Variants in PAK2 observed in about 807,000 individuals in gnomAD.
PAK2 encodes serine/threonine-protein kinase PAK 2.
PAK2 carries 21 observed loss-of-function variants against 65.9 expected under a neutral mutation model. The ratio of observed to expected loss-of-function variants is 0.32; its 90% CI spans 0.23 to 0.46. PAK2 has a LOEUF of 0.46. PAK2 is among the 20% of genes least tolerant of loss of function. PAK2 has a pLI of 1.00. For missense variants in PAK2, 324 were observed against 642.6 expected (o/e 0.50, Z 5.36); for synonymous variants, 204 against 219.7 (o/e 0.93, Z 0.63).
chr3:196,768,769 G>T (rs1018542143), intron 1 of PAK2, among the ~76,000 whole-genome samples: 7 of 151,768 alleles, frequency 4.6e-5, no homozygotes, highest in African/African-American at 1.7e-4. Flanking sequence ...GAGTTCAAGC[G>T]ATTCTCCTGC....
intron 6 of PAK2, among the ~76,000 whole-genome samples, 181 bp downstream of exon 6, chr3:196,806,867 G>A (rs777003045): frequency 1.3e-5 from 2 of 152,124 alleles, no homozygotes; most frequent in Non-Finnish European, 1.5e-5. Flanking sequence ...CTAGTTTTCT[G>A]AAGATTAAAA....
In PAK2 at chr3:196,831,814, A is replaced by G. The variant is rs1712098884; in HGVS notation, c.*3409A>G. ...CCACATCTAGTGAAATGTCAGTGTC[A>G]AAATATTATAGATTATAGCTAAAAT... On this transcript the variant is annotated 3_prime_UTR_variant, in exon 15 of 15. Transcript: ENST00000327134. 1 of 152,232 alleles carries G rather than the reference A, an allele frequency of 6.6e-6. No homozygotes were observed. Among genetic ancestry groups the G allele is most frequent in the South Asian group, 2.1e-4 (1 of 4,828 alleles). 9.4% of individuals were successfully genotyped at this position (152,232 alleles called of 1,614,324 possible). A position where few individuals can be genotyped will look rare whatever the true frequency, so the allele number is the denominator to read the frequency against.
At chr3:196,787,580 G>GAAA (rs58321910) in intron 2 of PAK2, among the ~76,000 whole-genome samples, 3 of 127,532 alleles carry the variant, frequency 2.4e-5, no homozygotes, top group Admixed American at 7.9e-5. Flanking sequence ...CTCCGTCTCA[G>GAAA]AAAAAAAAAA....
intron 1 of PAK2, among the ~76,000 whole-genome samples, chr3:196,758,521 G>T (rs1267495621): frequency 1.3e-5 from 2 of 152,238 alleles, no homozygotes; most frequent in Non-Finnish European, 2.9e-5. Flanking sequence ...CCTGAAGAGG[G>T]AAAGACTAAA....
chr3:196,756,681 C>A lies in PAK2; in HGVS notation c.-22+16524C>A, dbSNP rs181656160. 2.5e-3 allele frequency among the ~76,000 whole-genome samples: 373 copies of A among 152,078 alleles called. 6 individuals are homozygous for A. The highest frequency in any genetic ancestry group is 8.8e-3 in the African/African-American group (364 of 41,472). ...TGAAACCTTGTCCGTACTAAAAATA[C>A]AAAAATTAGCTGGGCGTGATGGCAC... On this transcript the variant is annotated intron_variant, in intron 1 of 14. Transcript: ENST00000327134.
intron 1 of PAK2, among the ~76,000 whole-genome samples, chr3:196,775,378 ATATT>A (rs949147655): frequency 7.9e-5 from 12 of 151,510 alleles, no homozygotes; most frequent in African/African-American, 1.7e-4. Context: ...AGTAGAAAAA[ATATT>A]TATTTATTTA....
intron 2 of PAK2, among the ~76,000 whole-genome samples, chr3:196,796,227 C>A (rs1200933132): frequency 6.6e-6 from 1 of 150,946 alleles, no homozygotes; most frequent in Non-Finnish European, 1.5e-5. Flanking sequence ...ATCTAAATTT[C>A]TTTGAAAGAT....
intron 1 of PAK2, among the ~76,000 whole-genome samples, chr3:196,752,331 C>T (rs943174757): frequency 6.6e-6 from 1 of 151,900 alleles, no homozygotes; most frequent in Non-Finnish European, 1.5e-5. Flanking sequence ...ATGTATACAT[C>T]CTGTTTTTAA....
At chr3:196,824,711 T>A (rs552111842) in intron 13 of PAK2, among the ~76,000 whole-genome samples, 2 of 152,050 alleles carry the variant, frequency 1.3e-5, no homozygotes, top group South Asian at 4.2e-4. Flanking sequence ...CTAGGCACGG[T>A]GGTGCACACC....
At chr3:196,826,462 A>G (rs865914163) in intron 13 of PAK2, among the ~76,000 whole-genome samples, 9 of 150,346 alleles carry the variant, frequency 6.0e-5, no homozygotes, top group Admixed American at 1.3e-4. Flanking sequence ...GTGAGCCACC[A>G]TGCCCGGCCT....
rs932442554 is a variant in PAK2 at position 196,813,929 on chromosome 3, A to G, written c.936-522A>G. The stretch of plus-strand genomic sequence containing the variant: ...CGCGCCACTGCACTCCAGCCTGGCA[A>G]CAGAGCAAGACTCTGTCTCAAAAAA... On this transcript the variant is annotated intron_variant, in intron 10 of 14. Coordinates refer to ENST00000327134, the MANE Select transcript of PAK2 (RefSeq NM_002577.4). Among the ~76,000 whole-genome samples, 3 of 152,184 alleles carry G rather than the reference A, an allele frequency of 2.0e-5. No individual in the cohort carries two copies. In the East Asian group the frequency reaches 5.8e-4, roughly 29 times the overall value.
At chr3:196,766,311 C>T (rs1055660100) in intron 1 of PAK2, among the ~76,000 whole-genome samples, 1 of 152,028 alleles carries the variant, frequency 6.6e-6, no homozygotes, top group African/African-American at 2.4e-5. Flanking sequence ...AGAGGCATAA[C>T]CTATAAATAA....
At chr3:196,773,719 A>G (rs1714447785) in intron 1 of PAK2, among the ~76,000 whole-genome samples, 1 of 152,138 alleles carries the variant, frequency 6.6e-6, no homozygotes, top group Non-Finnish European at 1.5e-5. Flanking sequence ...CTACTCAAAA[A>G]TACAAAAATT....
chr3:196,753,759 G>T (rs1430509726), intron 1 of PAK2, among the ~76,000 whole-genome samples: 1 of 151,966 alleles, frequency 6.6e-6, no homozygotes, highest in Non-Finnish European at 1.5e-5. Context: ...TTTTTTTCCT[G>T]TGCCTGGATG....
intron 14 of PAK2, 55 bp downstream of exon 14, chr3:196,827,388 C>G: frequency 6.4e-7 from 1 of 1,570,582 alleles, no homozygotes; most frequent in East Asian, 2.3e-5. Flanking sequence ...TGGTAACCGA[C>G]AGAAAGCTTT....
intron 7 of PAK2, among the ~76,000 whole-genome samples, chr3:196,809,015 T>A (rs1715685655): frequency 6.6e-6 from 1 of 151,378 alleles, no homozygotes. Flanking sequence ...GATAGGAGGA[T>A]AGCTGGAGTC....
chr3:196,785,549 A>G (rs145873818), intron 2 of PAK2, among the ~76,000 whole-genome samples: 2 of 152,318 alleles, frequency 1.3e-5, no homozygotes, highest in Non-Finnish European at 2.9e-5. Context: ...ATTACTCAAA[A>G]AACTGAGCAT....
chr3:196,795,287 C>T (rs74871096), intron 2 of PAK2, among the ~76,000 whole-genome samples: 1 of 129,048 alleles, frequency 7.7e-6, no homozygotes, highest in African/African-American at 2.7e-5. Flanking sequence ...AAAATCCCAT[C>T]TCTACAAAAA....
At chr3:196,812,936 G>C (rs1047189305) in intron 10 of PAK2, 85 bp downstream of exon 10, 2 of 637,856 alleles carry the variant, frequency 3.1e-6, no homozygotes, top group Non-Finnish European at 5.7e-6. Flanking sequence ...GGCCACTTTG[G>C]AATAAACTGT....
Sources: allele counts gnomAD v4.1 joint callset (sites outside exome capture counted in the v4.1 genomes callset), GRCh38; gene constraint gnomAD v4.1.1; transcripts MANE v1.5; gene names NCBI Gene and HGNC (gene_info 2026-07-23, HGNC 2026-07-21).